Variants in NUP93 observed in about 807,000 individuals in gnomAD.
NUP93 encodes the protein nucleoporin 93, also known as nuclear pore complex protein Nup93.
In NUP93, 55 loss-of-function variants were observed where a neutral mutation model predicts 107.8. That is an observed-to-expected ratio of 0.51 (90% CI 0.41 to 0.64). The LOEUF (loss-of-function observed/expected upper bound fraction) is 0.64. NUP93 is among the 30% of genes least tolerant of loss of function. NUP93 has a pLI of 0.00. For synonymous variants in NUP93, 390 were observed against 397.5 expected (o/e 0.98, Z 0.22); for missense variants, 937 against 1,044.7 (o/e 0.90, Z 1.42).
intron 1 of NUP93, chr16:56,747,826 G>A (rs1425435292): frequency 6.5e-6 from 1 of 154,808 alleles, no homozygotes; most frequent in African/African-American, 2.4e-5. Flanking sequence ...TTTTAGGGTG[G>A]TAGTGTTTTT....
Position 56,834,221 on chromosome 16 carries a change from C to T in NUP93, c.1631C>T (p.Pro544Leu). The T allele has an allele frequency of 6.2e-7, 1 of 1,614,156 alleles. No individual in the cohort carries two copies. The highest frequency in any genetic ancestry group is 8.5e-7 in the Non-Finnish European group (1 of 1,180,018). Residue 544 changes from proline to leucine, a missense_variant, in exon 14 of 22, where the codon CCA (proline) becomes CTA (leucine). By Grantham distance (98) the Pro-to-Leu change is moderately conservative. Coordinates refer to ENST00000308159, the MANE Select transcript of NUP93 (RefSeq NM_014669.5). ...ACCCGGAAGTTTGAGTCCACGGACC[C>T]AAGGGAGGCCCTCCAGTACTTCTAT... The part of the protein sequence containing the change: ...LYTRKFESTD[P>L]REALQYFYFL...
chr16:56,799,904 C>T (rs148788514), intron 4 of NUP93, among the ~76,000 whole-genome samples: 2 of 152,206 alleles, frequency 1.3e-5, no homozygotes, highest in African/African-American at 4.8e-5. Context: ...AAATTCCCAT[C>T]ATGCACAGTG....
chr16:56,821,669 G>T, intron 7 of NUP93, 76 bp downstream of exon 7: 1 of 889,568 alleles, frequency 1.1e-6, no homozygotes, highest in South Asian at 1.4e-5. Flanking sequence ...CGATTTGGTT[G>T]AAATGTGCTG....
chr16:56,792,284 A>C (rs188390268), intron 3 of NUP93, among the ~76,000 whole-genome samples: 42 of 152,366 alleles, frequency 2.8e-4, no homozygotes, highest in African/African-American at 9.4e-4. Flanking sequence ...AAGGAATGCC[A>C]AAAACTTGAC....
intron 1 of NUP93, among the ~76,000 whole-genome samples, chr16:56,746,869 A>T (rs1433651279): frequency 6.6e-6 from 1 of 152,206 alleles, no homozygotes; most frequent in African/African-American, 2.4e-5. Flanking sequence ...AGATCACACC[A>T]CTGCACAACA....
In NUP93 at chr16:56,815,919, G is replaced by GCTGCTGCTGCTACCACTA. The variant is rs1253845174; in HGVS notation, c.490-2742_490-2725dup. Among the ~76,000 whole-genome samples the GCTGCTGCTGCTACCACTA allele has an allele frequency of 3.3e-5, 5 of 149,558 alleles. No homozygotes were observed. The East Asian group carries it at 9.7e-4, about 29-fold the overall frequency. ...TGCTGGTGCTGCTGCTGCTGCTGGT[G>GCTGCTGCTGCTACCACTA]CTGCTGCTGCTACCACTACTACTAC... On this transcript the variant is annotated intron_variant, in intron 5 of 21. Coordinates refer to ENST00000308159, the MANE Select transcript of NUP93 (RefSeq NM_014669.5).
chr16:56,732,576 C>G (rs139482070), intron 1 of NUP93, among the ~76,000 whole-genome samples: 4 of 152,158 alleles, frequency 2.6e-5, no homozygotes, highest in Non-Finnish European at 5.9e-5. Flanking sequence ...GTGCAAAGAC[C>G]GTGCAGTGTG....
intron 5 of NUP93, among the ~76,000 whole-genome samples, chr16:56,815,458 T>C (rs1262820132): frequency 6.6e-6 from 1 of 152,156 alleles, no homozygotes; most frequent in Non-Finnish European, 1.5e-5. Flanking sequence ...AAACAAGGAA[T>C]GTGTATTCAT....
At chr16:56,839,482 A>T (rs776027205) in intron 19 of NUP93, 39 bp from the exon 20 acceptor site, 2 of 1,520,394 alleles carry the variant, frequency 1.3e-6, no homozygotes, top group Non-Finnish European at 1.8e-6. Flanking sequence ...AATGACTGTG[A>T]TGGTTGTGTT....
At chr16:56,838,838 T>A in intron 18 of NUP93, 114 bp from the exon 19 acceptor site, 1 of 753,424 alleles carries the variant, frequency 1.3e-6, no homozygotes, top group Non-Finnish European at 2.3e-6. Flanking sequence ...TAGCTGAGAT[T>A]ACAGGCATGA....
intron 3 of NUP93, among the ~76,000 whole-genome samples, chr16:56,774,641 T>C (rs1179587975): frequency 3.3e-5 from 5 of 152,230 alleles, no homozygotes; most frequent in Admixed American, 2.0e-4. Context: ...ATGGCTTCTC[T>C]TGGCTTTGAA....
At position 56,837,028 on chromosome 16, in the gene NUP93, T is replaced by C. The variant is rs371703854; in HGVS notation, c.1899+311T>C. 1.5e-3 allele frequency among the ~76,000 whole-genome samples: 235 copies of C among 152,350 alleles called. 1 individual carries two copies. The highest frequency in any genetic ancestry group is 4.3e-3 in the African/African-American group (178 of 41,574). ...GGTGAAGCCACTGTTGAAAATTACA[T>C]TATGCTGACCCTGGCAACCACAGAC... On this transcript the variant is annotated intron_variant, in intron 17 of 21. Transcript: ENST00000308159.
chr16:56,843,174 G>A (rs543859179), intron 21 of NUP93, among the ~76,000 whole-genome samples: 7 of 152,304 alleles, frequency 4.6e-5, no homozygotes, highest in Admixed American at 3.9e-4. Flanking sequence ...TGCCTACCCC[G>A]GACAGATAGG....
intron 20 of NUP93, among the ~76,000 whole-genome samples, chr16:56,840,090 GGCTCACTGCAA>G (rs1792345366): frequency 1.3e-5 from 2 of 152,080 alleles, no homozygotes; most frequent in Admixed American, 6.6e-5. Context: ...GTGTGATCTT[GGCTCACTGCAA>G]GCTCTACCTC....
At chr16:56,773,434 A>G (rs1962357620) in intron 3 of NUP93, among the ~76,000 whole-genome samples, 1 of 152,198 alleles carries the variant, frequency 6.6e-6, no homozygotes, top group South Asian at 2.1e-4. Flanking sequence ...GGGGTTAGGA[A>G]GGGGAAGGAG....
intron 3 of NUP93, among the ~76,000 whole-genome samples, chr16:56,767,583 T>C (rs1228526196): frequency 6.6e-6 from 1 of 152,218 alleles, no homozygotes. Flanking sequence ...AAATAGTCTA[T>C]TTTAAAATGC....
intron 1 of NUP93, among the ~76,000 whole-genome samples, chr16:56,738,568 TAGTCTCAC>T (rs1961648805): frequency 6.6e-6 from 1 of 152,232 alleles, no homozygotes; most frequent in Non-Finnish European, 1.5e-5. Context: ...CTCTTTTACT[TAGTCTCAC>T]AGGGCTGTAA....
chr16:56,799,530 G>C (rs1365905500), intron 4 of NUP93, among the ~76,000 whole-genome samples: 2 of 152,226 alleles, frequency 1.3e-5, no homozygotes, highest in Admixed American at 1.3e-4. Flanking sequence ...AGAAAGGCTA[G>C]TTGTCCTGTG....
At chr16:56,770,608 C>G (rs1164523199) in intron 3 of NUP93, among the ~76,000 whole-genome samples, 1 of 152,094 alleles carries the variant, frequency 6.6e-6, no homozygotes, top group Non-Finnish European at 1.5e-5. Context: ...TGTTGTACTC[C>G]CCCTTGAAGT....
Sources: gnomAD v4.1 joint callset for allele counts (sites outside exome capture counted in the v4.1 genomes callset) on GRCh38, gnomAD v4.1.1 for gene constraint, MANE v1.5 for transcripts, NCBI Gene and HGNC (gene_info 2026-07-23, HGNC 2026-07-21) for gene names.